Variants in UIMC1 observed in about 807,000 individuals in gnomAD.
UIMC1 encodes the protein BRCA1-A complex subunit RAP80.
In UIMC1, 42 loss-of-function variants were observed where a neutral mutation model predicts 84.9. The observed-to-expected ratio is 0.49, with a 90% CI of 0.39 to 0.64. The LOEUF (loss-of-function observed/expected upper bound fraction) is 0.64. UIMC1 is among the 30% of genes least tolerant of loss of function. The probability of loss-of-function intolerance (pLI) is 0.00; values close to 1 mark genes in which losing one functional copy is unlikely to be tolerated. For missense variants in UIMC1, 825 were observed against 847.6 expected (o/e 0.97, Z 0.33); for synonymous variants, 281 against 293.0 (o/e 0.96, Z 0.42).
chr5:177,011,241 A>C (rs1273956746), upstream of UIMC1, among the ~76,000 whole-genome samples: 1 of 152,012 alleles, frequency 6.6e-6, no homozygotes, highest in Admixed American at 6.6e-5. Flanking sequence ...TGTGTAATTA[A>C]AAATGAATAA....
chr5:176,923,845 C>T (rs1245512757), intron 10 of UIMC1, among the ~76,000 whole-genome samples: 5 of 141,868 alleles, frequency 3.5e-5, no homozygotes, highest in Non-Finnish European at 1.5e-5. Context: ...GCCTGGGCAA[C>T]AGAGCAAGAC....
At chr5:176,906,149 C>T in intron 13 of UIMC1, 102 bp from the exon 14 acceptor site, 1 of 1,056,198 alleles carries the variant, frequency 9.5e-7, no homozygotes, top group Non-Finnish European at 1.4e-6. Context: ...TGCTTCTCAT[C>T]AGGCCTATCC....
intron 10 of UIMC1, among the ~76,000 whole-genome samples, chr5:176,939,803 G>A (rs150619228): frequency 6.6e-6 from 1 of 152,286 alleles, no homozygotes; most frequent in African/African-American, 2.4e-5. Context: ...GAAAAAGAAA[G>A]TGTGACTGTC....
At chr5:176,975,344 G>T in intron 3 of UIMC1, 52 bp downstream of exon 3, 1 of 1,569,498 alleles carries the variant, frequency 6.4e-7, no homozygotes, top group Non-Finnish European at 8.8e-7. Context: ...AAATGTATCA[G>T]TTCTATGACT....
At chr5:176,986,429 G>A (rs930015656) in intron 1 of UIMC1, among the ~76,000 whole-genome samples, 1 of 135,098 alleles carries the variant, frequency 7.4e-6, no homozygotes, top group Non-Finnish European at 1.5e-5. Flanking sequence ...AGCTACTCAA[G>A]AGGCTGAGGC....
chr5:176,982,386 G>A (rs1771188127), intron 2 of UIMC1, 83 bp downstream of exon 2: 3 of 1,486,724 alleles, frequency 2.0e-6, no homozygotes, highest in African/African-American at 1.4e-5. Context: ...TTAAGGTGAA[G>A]TCAGTCACGA....
At chr5:176,929,377 C>T (rs1762805559) in intron 10 of UIMC1, among the ~76,000 whole-genome samples, 3 of 150,338 alleles carry the variant, frequency 2.0e-5, no homozygotes, top group South Asian at 4.2e-4. Context: ...TCCTGGCTAA[C>T]ACGGTGAAAC....
At chr5:176,912,348 A>G (rs1372238629) in intron 10 of UIMC1, among the ~76,000 whole-genome samples, 1 of 152,252 alleles carries the variant, frequency 6.6e-6, no homozygotes, top group African/African-American at 2.4e-5. Flanking sequence ...AATAACAGGT[A>G]TCTGGTTAGA....
rs563426851 is a variant in UIMC1 at position 176,986,231 on chromosome 5, G to T, written c.-8-3608C>A. ...AAAAATTAGCTCGGCGTGGTGGCGTGTGACTATAATCCCACCTAATCCAGA... is the reference window on the plus strand; with the variant it reads ...AAAAATTAGCTCGGCGTGGTGGCGTTTGACTATAATCCCACCTAATCCAGA... On this transcript the variant is annotated intron_variant, in intron 1 of 14. Coordinates refer to ENST00000511320, the MANE Select transcript of UIMC1 (RefSeq NM_001199298.2). 1.1e-4 allele frequency among the ~76,000 whole-genome samples: 17 copies of T among 151,608 alleles called. No individual in the cohort carries two copies. In the South Asian group the frequency reaches 3.3e-3, roughly 30 times the overall value.
At chr5:176,929,539 C>A (rs1268946987) in intron 10 of UIMC1, among the ~76,000 whole-genome samples, 5 of 152,028 alleles carry the variant, frequency 3.3e-5, no homozygotes, top group African/African-American at 1.2e-4. Flanking sequence ...TGCACTCCAG[C>A]CTGGGTGAGA....
Position 176,954,296 on chromosome 5 carries a change from G to A in UIMC1, c.1339+1663C>T, listed in dbSNP as rs553939110. On this transcript the variant is annotated intron_variant, in intron 8 of 14. Coordinates refer to ENST00000511320, the MANE Select transcript of UIMC1 (RefSeq NM_001199298.2). ...GGAAGTCAGTAGTCCCAGACAGAGG[G>A]GGAAAGCTTTCTTTTCACAAAGGTA... Among the ~76,000 whole-genome samples the A allele has an allele frequency of 7.2e-5, 11 of 152,258 alleles. No individual in the cohort carries two copies. The East Asian group carries it at 2.1e-3, about 29-fold the overall frequency.
chr5:176,954,363 G>A (rs1371979588), intron 8 of UIMC1, among the ~76,000 whole-genome samples: 5 of 152,090 alleles, frequency 3.3e-5, no homozygotes, highest in African/African-American at 1.2e-4. Flanking sequence ...CTGAGCACTC[G>A]GTAGTGTAGT....
intron 9 of UIMC1, among the ~76,000 whole-genome samples, chr5:176,945,708 T>C (rs987275910): frequency 1.3e-5 from 2 of 152,236 alleles, no homozygotes; most frequent in Non-Finnish European, 2.9e-5. Flanking sequence ...AACGCCCTCA[T>C]CTTGCCACAG....
At chr5:176,938,738 T>A (rs996903320) in intron 10 of UIMC1, among the ~76,000 whole-genome samples, 1 of 152,152 alleles carries the variant, frequency 6.6e-6, no homozygotes, top group African/African-American at 2.4e-5. Context: ...AAGCCAAGGC[T>A]AAGCCCACTC....
intron 1 of UIMC1, among the ~76,000 whole-genome samples, chr5:176,985,882 A>G (rs547289459): frequency 1.2e-4 from 19 of 152,324 alleles, no homozygotes; most frequent in African/African-American, 2.9e-4. Flanking sequence ...CAAAAATCCC[A>G]TAACTAATAA....
At chr5:177,020,621 C>T (rs958004829) in intron 1 of UIMC1, among the ~76,000 whole-genome samples, 5 of 152,186 alleles carry the variant, frequency 3.3e-5, no homozygotes, top group South Asian at 4.1e-4. Flanking sequence ...TTAGTAGAAA[C>T]GGAGTTTCAC....
intron 1 of UIMC1, among the ~76,000 whole-genome samples, chr5:177,003,846 T>C (rs775997543): frequency 3.9e-5 from 6 of 152,148 alleles, no homozygotes; most frequent in Non-Finnish European, 7.4e-5. Context: ...TGCACGTGTA[T>C]TGTTACTGAG....
intron 1 of UIMC1, among the ~76,000 whole-genome samples, chr5:176,984,281 C>A (rs1273113832): frequency 1.1e-5 from 1 of 91,120 alleles, no homozygotes; most frequent in African/African-American, 3.8e-5. Context: ...ATGTGAGGAG[C>A]GCCTCTGCCG....
intron 10 of UIMC1, among the ~76,000 whole-genome samples, chr5:176,927,853 T>A (rs1334625850): frequency 4.1e-5 from 6 of 145,270 alleles, no homozygotes; most frequent in Non-Finnish European, 9.1e-5. Flanking sequence ...CCAGCCAGCT[T>A]TTTTTTTTTT....
Sources: allele counts gnomAD v4.1 joint callset (sites outside exome capture counted in the v4.1 genomes callset), GRCh38; gene constraint gnomAD v4.1.1; transcripts MANE v1.5; gene names NCBI Gene and HGNC (gene_info 2026-07-23, HGNC 2026-07-21).